The following PTPRD variants were observed in gnomAD, a reference collection of about 807,000 sequenced individuals.
PTPRD encodes protein tyrosine phosphatase receptor type D.
In PTPRD, 34 loss-of-function variants were observed where a neutral mutation model predicts 214.5. The ratio of observed to expected loss-of-function variants is 0.16; its 90% CI spans 0.12 to 0.21. PTPRD has a LOEUF of 0.21. Among genes scored for constraint, PTPRD ranks in the 10% least tolerant of loss-of-function variants. The pLI is 1.00. For synonymous variants in PTPRD, 1,128 were observed against 845.7 expected (o/e 1.33, Z -5.79); for missense variants, 2,545 against 2,398.7 (o/e 1.06, Z -1.27).
Position 8,480,910 on chromosome 9 carries a change from G to T in PTPRD, c.3413+3209C>A, listed in dbSNP as rs556049005. 8.5e-5 allele frequency among the ~76,000 whole-genome samples: 13 copies of T among 152,164 alleles called. No individual in the cohort carries two copies. The South Asian group carries it at 2.7e-3, about 32-fold the overall frequency. ...AACCCCAGCACTTTGGGAGGCTGAG[G>T]GGTTGGATCACGAGGTCAGGAGATC... On this transcript the variant is annotated intron_variant, in intron 30 of 45. Transcript: ENST00000381196.
intron 5 of PTPRD, among the ~76,000 whole-genome samples, chr9:9,903,726 A>C (rs920640269): frequency 3.9e-5 from 6 of 152,096 alleles, no homozygotes; most frequent in Non-Finnish European, 7.4e-5. Context: ...TTACCCTAGG[A>C]TCAGGGATGC....
chr9:10,389,930 G>T (rs889577429), intron 2 of PTPRD, among the ~76,000 whole-genome samples: 1 of 151,760 alleles, frequency 6.6e-6, no homozygotes, highest in African/African-American at 2.4e-5. Flanking sequence ...GGGATATTGT[G>T]ATCTAATGAT....
intron 11 of PTPRD, among the ~76,000 whole-genome samples, chr9:9,007,919 T>C (rs2099487544): frequency 1.1e-5 from 1 of 89,012 alleles, no homozygotes; most frequent in Admixed American, 1.4e-4. Context: ...TTGGCATTTT[T>C]TTTAAATTTT....
chr9:10,149,383 T>C (rs2099045211), intron 3 of PTPRD, among the ~76,000 whole-genome samples: 1 of 152,208 alleles, frequency 6.6e-6, no homozygotes, highest in South Asian at 2.1e-4. Context: ...TTTTTAAAAC[T>C]TGATGATTTT....
chr9:9,313,645 G>C (rs1960576745), intron 9 of PTPRD, among the ~76,000 whole-genome samples: 1 of 152,164 alleles, frequency 6.6e-6, no homozygotes, highest in Admixed American at 6.6e-5. Context: ...ATTAGGTATA[G>C]TAATTAGGAA....
chr9:9,458,741 G>C (rs1353364857), intron 8 of PTPRD, among the ~76,000 whole-genome samples: 1 of 152,042 alleles, frequency 6.6e-6, no homozygotes, highest in Non-Finnish European at 1.5e-5. Context: ...AGGAATCCTA[G>C]ACCTGCCTGG....
chr9:8,407,933 G>A (rs772600776), intron 35 of PTPRD, among the ~76,000 whole-genome samples: 2 of 152,218 alleles, frequency 1.3e-5, no homozygotes, highest in African/African-American at 2.4e-5. Flanking sequence ...CTGAAAGTTG[G>A]TGAGGTATAC....
chr9:9,851,475 A>G (rs1017742058), intron 5 of PTPRD, among the ~76,000 whole-genome samples: 2 of 152,258 alleles, frequency 1.3e-5, no homozygotes, highest in African/African-American at 4.8e-5. Flanking sequence ...TGAAGTTACA[A>G]CAAGTACTGC....
chr9:10,256,047 C>A (rs974542217), intron 3 of PTPRD, among the ~76,000 whole-genome samples: 24 of 152,288 alleles, frequency 1.6e-4, no homozygotes, highest in Admixed American at 1.4e-3. Flanking sequence ...GGAGTGCAAA[C>A]ACTACTGTAA....
chr9:8,658,912 A>T (rs1440521752), intron 12 of PTPRD, among the ~76,000 whole-genome samples: 1 of 152,186 alleles, frequency 6.6e-6, no homozygotes, highest in East Asian at 1.9e-4. Flanking sequence ...AATTAACTAA[A>T]ATGCTAATGA....
chr9:8,385,186 A>G (rs75870359), intron 37 of PTPRD, among the ~76,000 whole-genome samples: 11,110 of 152,276 alleles, frequency 0.073, 523 homozygotes, highest in Non-Finnish European at 0.099. Context: ...CACCAAAGGT[A>G]TTAATACAAG....
chr9:9,625,699 G>C (rs1002153597), intron 7 of PTPRD, among the ~76,000 whole-genome samples: 10 of 152,104 alleles, frequency 6.6e-5, no homozygotes, highest in Non-Finnish European at 1.2e-4. Context: ...CAGATGGTAT[G>C]GGTCGCAGCA....
intron 2 of PTPRD, among the ~76,000 whole-genome samples, chr9:10,476,672 T>C (rs1474187484): frequency 1.3e-5 from 2 of 151,954 alleles, no homozygotes; most frequent in Non-Finnish European, 2.9e-5. Flanking sequence ...AAATAGCCCA[T>C]ATAGCCAAGA....
At chr9:9,887,050 A>C (rs2071216232) in intron 5 of PTPRD, among the ~76,000 whole-genome samples, 1 of 152,100 alleles carries the variant, frequency 6.6e-6, no homozygotes, top group Non-Finnish European at 1.5e-5. Flanking sequence ...AGTTATAAGG[A>C]AATTTGTTTT....
intron 12 of PTPRD, among the ~76,000 whole-genome samples, chr9:8,708,511 CA>C (rs1026405100): frequency 2.7e-5 from 4 of 149,818 alleles, no homozygotes; most frequent in Non-Finnish European, 5.9e-5. Context: ...CCGTCTCTAC[CA>C]AAAAAATACA....
At chr9:8,665,098 T>A (rs1341613404) in intron 12 of PTPRD, among the ~76,000 whole-genome samples, 2 of 152,240 alleles carry the variant, frequency 1.3e-5, no homozygotes, top group African/African-American at 2.4e-5. Context: ...TGTTCGCTCA[T>A]TCTCAAAAAC....
rs570891425 is a variant in PTPRD at position 8,426,659 on chromosome 9, G to A, written c.4086+9933C>T. On this transcript the variant is annotated intron_variant, in intron 35 of 45. Transcript: ENST00000381196. ...CTGAGAAAAAATGAAAGTTGAAATTGTATGAGAATAAGGACTGGGAAACAG... is the reference window on the plus strand; with the variant it reads ...CTGAGAAAAAATGAAAGTTGAAATTATATGAGAATAAGGACTGGGAAACAG... Among the ~76,000 whole-genome samples the A allele has an allele frequency of 1.3e-4, 20 of 152,196 alleles. No homozygotes were observed. In the South Asian group the frequency reaches 3.7e-3, roughly 28 times the overall value.
chr9:10,440,957 C>G (rs2098754172), intron 2 of PTPRD, among the ~76,000 whole-genome samples: 1 of 151,710 alleles, frequency 6.6e-6, no homozygotes, highest in Non-Finnish European at 1.5e-5. Flanking sequence ...CTTAGTACCT[C>G]TATTTTAATC....
At chr9:9,451,826 G>T (rs1203963699) in intron 8 of PTPRD, among the ~76,000 whole-genome samples, 1 of 151,430 alleles carries the variant, frequency 6.6e-6, no homozygotes, top group African/African-American at 2.4e-5. Context: ...AGAATGGGTT[G>T]AATTTGCGCT....
Sources: gnomAD v4.1 joint callset for allele counts (sites outside exome capture counted in the v4.1 genomes callset) on GRCh38, gnomAD v4.1.1 for gene constraint, MANE v1.5 for transcripts, NCBI Gene and HGNC (gene_info 2026-07-23, HGNC 2026-07-21) for gene names.